The following KRT32 variants were observed in gnomAD, a reference collection of about 807,000 sequenced individuals.
The protein encoded by KRT32 is keratin, type I cuticular Ha2.
In KRT32, 44 loss-of-function variants were observed where a neutral mutation model predicts 41.8. The ratio of observed to expected loss-of-function variants is 1.05; its 90% CI spans 0.83 to 1.35. KRT32 has a LOEUF of 1.35. Among genes scored for constraint, KRT32 ranks in the 40% most tolerant of loss-of-function variants. KRT32 has a pLI of 0.00. For missense variants in KRT32, 576 were observed against 584.6 expected (o/e 0.99, Z 0.15); for synonymous variants, 238 against 242.5 (o/e 0.98, Z 0.17).
chr17:41,462,284 C>G (rs1256175596), intron 6 of KRT32, among the ~76,000 whole-genome samples: 1 of 152,124 alleles, frequency 6.6e-6, no homozygotes, highest in African/African-American at 2.4e-5. Flanking sequence ...CATAAATGGG[C>G]CCCGGCTGAT....
chr17:41,462,533 G>A (rs1224409396), intron 6 of KRT32, among the ~76,000 whole-genome samples: 4 of 152,146 alleles, frequency 2.6e-5, no homozygotes, highest in African/African-American at 9.7e-5. Flanking sequence ...ATGACAGGAG[G>A]GCAAATGCCC....
At position 41,459,903 on chromosome 17, in the gene KRT32, A is replaced by G. The variant is rs2018981772; in HGVS notation, c.*207T>C. The G allele has an allele frequency of 2.1e-6, 1 of 478,420 alleles. No homozygotes were observed. The highest frequency in any genetic ancestry group is 3.7e-6 in the Non-Finnish European group (1 of 272,624). 29.6% of individuals were successfully genotyped at this position (478,420 alleles called of 1,614,324 possible). On this transcript the variant is annotated 3_prime_UTR_variant, in exon 7 of 7. Transcript: ENST00000225899. ...CAGACAACCAGAAACATCACCAAAG[A>G]GAACAGTTCACCCATGGAAAAAAGA...
rs1465683642 is a variant in KRT32 at position 41,464,088 on chromosome 17, T to C, written c.986A>G (p.Gln329Arg). The C allele has an allele frequency of 1.3e-6, 2 of 1,599,718 alleles. No individual in the cohort carries two copies. The highest frequency in any genetic ancestry group is 1.7e-5 in the Admixed American group (1 of 58,792). The change falls in exon 5 of 7, where the codon CAG (glutamine) becomes CGG (arginine). Residue 329 changes from glutamine to arginine, a missense_variant. Transcript: ENST00000225899. ...CCCAGCAGCTCTCACCAGGCTGTGCTGGGCCTGCAGCTCGATCTCCAGCGT... is the reference window on the plus strand; with the variant it reads ...CCCAGCAGCTCTCACCAGGCTGTGCCGGGCCTGCAGCTCGATCTCCAGCGT... ...VNTLEIELQAQHSLRDSLENT... is the reference protein window; with the variant it reads ...VNTLEIELQARHSLRDSLENT...
chr17:41,460,123 T>C lies in KRT32; in HGVS notation c.1334A>G (p.Gln445Arg). The change falls in exon 7 of 7, where the codon CAG (glutamine) becomes CGG (arginine). Residue 445 changes from glutamine (Q) to arginine (R), a missense_variant. By Grantham distance (43) the Gln-to-Arg change is conservative. Coordinates refer to ENST00000225899, the MANE Select transcript of KRT32 (RefSeq NM_002278.3). ...TVGMPCSPCP[Q>R]GRY is the part of the protein sequence containing the mutation. ...CACAAAGGGACTTCAGTAGCGGCCC[T>C]GGGGGCAGGGTGAGCAAGGCATGCC... 1.2e-6 allele frequency: 2 copies of C among 1,610,058 alleles called. No homozygotes were observed. Among genetic ancestry groups the C allele is most frequent in the African/African-American group, 2.7e-5 (2 of 74,876 alleles).
intron 5 of KRT32, among the ~76,000 whole-genome samples, chr17:41,463,459 C>T (rs1000904388): frequency 1.3e-5 from 2 of 152,216 alleles, no homozygotes; most frequent in African/African-American, 2.4e-5. Flanking sequence ...AATCCCAGCA[C>T]TCTGGGAGGC....
chr17:41,464,417 A>G lies in KRT32; in HGVS notation c.735T>C (p.Leu245=). Residue 245 remains leucine, a synonymous_variant, in exon 4 of 7, where the codon CTT becomes CTC. Coordinates refer to ENST00000225899, the MANE Select transcript of KRT32 (RefSeq NM_002278.3). ...CCACCTCGATGTTAAGGCGGTCCCC[A>G]AGCTGGCATCGAAGGGAACCGACTT... ...EEEVGSLRCQ[L]GDRLNIEVDA... 8 of 1,582,226 alleles carry G rather than the reference A, an allele frequency of 5.1e-6. No homozygotes were observed. Among genetic ancestry groups the G allele is most frequent in the Non-Finnish European group, 6.9e-6 (8 of 1,166,312 alleles).
At position 41,460,156 on chromosome 17, in the gene KRT32, C is replaced by A. The variant is rs139528234; in HGVS notation, c.1301G>T (p.Arg434Leu). 6.2e-6 allele frequency: 10 copies of A among 1,613,322 alleles called. No homozygotes were observed. Among genetic ancestry groups the A allele is most frequent in the Non-Finnish European group, 7.6e-6 (9 of 1,179,718 alleles). ...PCVPRTVCVP[R>L]TVGMPCSPCP... is the part of the protein sequence containing the mutation. Reference sequence around the variant, plus strand: ...GGGTGAGCAAGGCATGCCAACAGTGCGTGGCACACAGACGGTGCGGGGCAC... The same window carrying A: ...GGGTGAGCAAGGCATGCCAACAGTGAGTGGCACACAGACGGTGCGGGGCAC... Residue 434 changes from arginine to leucine, a missense_variant, in exon 7 of 7, where the codon CGC becomes CTC. Coordinates refer to ENST00000225899, the MANE Select transcript of KRT32 (RefSeq NM_002278.3).
At position 41,460,032 on chromosome 17, in the gene KRT32, GC is replaced by G; in HGVS notation, c.*77del. On this transcript the variant is annotated 3_prime_UTR_variant, in exon 7 of 7. Transcript: ENST00000225899. ...GGGTCTTCCTTGCTGACCGGGGCTG[GC>G]CCTGCTCTTCTGGTGGCCACTGAAT... The G allele has an allele frequency of 1.4e-6, 2 of 1,447,984 alleles. No individual in the cohort carries two copies. The highest frequency in any genetic ancestry group is 2.8e-5 in the South Asian group (2 of 72,416). The allele number at this position is 1,447,984 out of a possible 1,614,324, so 89.7% of individuals were successfully genotyped here. A position where few individuals can be genotyped will look rare whatever the true frequency, so the allele number is the denominator to read the frequency against.
intron 6 of KRT32, among the ~76,000 whole-genome samples, chr17:41,461,232 T>C (rs2018999486): frequency 6.6e-6 from 1 of 152,182 alleles, no homozygotes; most frequent in African/African-American, 2.4e-5. Flanking sequence ...GGCCAAGCAG[T>C]GAGGCCAGCA....
chr17:41,466,832 C>T (rs761450626), intron 1 of KRT32, 26 bp downstream of exon 1: 4 of 1,526,794 alleles, frequency 2.6e-6, no homozygotes, highest in Non-Finnish European at 3.6e-6. Flanking sequence ...TCCCAGAGAG[C>T]CTATTCACCT....
rs749373997 is a variant in KRT32, at chr17:41,467,349, G to C, written c.-24C>G. 8 of 1,555,692 alleles carry C rather than the reference G, an allele frequency of 5.1e-6. No individual in the cohort carries two copies. Among genetic ancestry groups the C allele is most frequent in the East Asian group, 2.3e-5 (1 of 44,368 alleles). ...ATGTTGGAGAGGCCCTTTCTCCTCAGCCACAGCTACCTGGATGTCTACAGA... is the reference window on the plus strand; with the variant it reads ...ATGTTGGAGAGGCCCTTTCTCCTCACCCACAGCTACCTGGATGTCTACAGA... On this transcript the variant is annotated 5_prime_UTR_variant, in exon 1 of 7. Coordinates refer to ENST00000225899, the MANE Select transcript of KRT32 (RefSeq NM_002278.3).
At chr17:41,463,192 G>A in intron 5 of KRT32, 142 bp from the exon 6 acceptor site, 1 of 712,490 alleles carries the variant, frequency 1.4e-6, no homozygotes. Flanking sequence ...CGGAAGCCCA[G>A]AAAGGTCAAA....
chr17:41,466,255 G>A, intron 1 of KRT32, 79 bp from the exon 2 acceptor site: 1 of 1,188,754 alleles, frequency 8.4e-7, no homozygotes. Context: ...GAAGACAGCA[G>A]CAAAGGTAGG....
At chr17:41,461,869 A>G (rs1308052327) in intron 6 of KRT32, among the ~76,000 whole-genome samples, 2 of 152,228 alleles carry the variant, frequency 1.3e-5, no homozygotes, top group African/African-American at 2.4e-5. Context: ...GCCCAGAGGT[A>G]CCCTGCATTC....
intron 5 of KRT32, among the ~76,000 whole-genome samples, chr17:41,463,752 T>C (rs1385921366): frequency 3.3e-5 from 5 of 151,710 alleles, no homozygotes; most frequent in African/African-American, 1.2e-4. Context: ...CCAGAGACTC[T>C]GGTTCAGTTG....
intron 6 of KRT32, among the ~76,000 whole-genome samples, chr17:41,460,855 G>A (rs1476706871): frequency 1.3e-5 from 2 of 152,170 alleles, no homozygotes. Context: ...TATCCCAGAA[G>A]TTAAAGTAAA....
chr17:41,462,809 G>T lies in KRT32; in HGVS notation c.1217+21C>A, dbSNP rs1007072935. The T allele has an allele frequency of 4.3e-6, 7 of 1,611,812 alleles. No homozygotes were observed. In the East Asian group the frequency reaches 8.9e-5, roughly 21 times the overall value. On this transcript the variant is annotated intron_variant, in intron 6 of 6. Transcript: ENST00000225899. ...AGAATCCCTGCCCACGTCTCTCTAA[G>T]CCTCAGCTGGGCCTGCGTACTTGCA... is the stretch of plus-strand genomic sequence containing the variant.
chr17:41,461,255 T>G (rs1790771255), intron 6 of KRT32, among the ~76,000 whole-genome samples: 1 of 152,234 alleles, frequency 6.6e-6, no homozygotes, highest in Non-Finnish European at 1.5e-5. Context: ...CACAGACCCA[T>G]GCCCACCCTG....
In KRT32 at chr17:41,460,002, G is replaced by T; in HGVS notation, c.*108C>A. The T allele has an allele frequency of 7.3e-6, 9 of 1,235,174 alleles. No homozygotes were observed. Among genetic ancestry groups the T allele is most frequent in the Non-Finnish European group, 1.0e-5 (9 of 899,404 alleles). The allele number at this position is 1,235,174 out of a possible 1,614,324, so 76.5% of individuals were successfully genotyped here. On this transcript the variant is annotated 3_prime_UTR_variant, in exon 7 of 7. Transcript: ENST00000225899. Reference sequence around the variant, plus strand: ...CTTGTTGCAGGTGATCCACGGTCCTGCTCAGGGTCTTCCTTGCTGACCGGG... The same window carrying T: ...CTTGTTGCAGGTGATCCACGGTCCTTCTCAGGGTCTTCCTTGCTGACCGGG...
Sources: gnomAD v4.1 joint callset for allele counts (sites outside exome capture counted in the v4.1 genomes callset) on GRCh38, gnomAD v4.1.1 for gene constraint, MANE v1.5 for transcripts, NCBI Gene and HGNC (gene_info 2026-07-23, HGNC 2026-07-21) for gene names.